The following ZNF517 variants were observed in gnomAD, a reference collection of about 807,000 sequenced individuals.
The protein encoded by ZNF517 is zinc finger protein 517.
In ZNF517, 12 loss-of-function variants were observed where a neutral mutation model predicts 12.1. That is an observed-to-expected ratio of 0.99 (90% CI 0.63 to 1.61). The LOEUF is 1.61. ZNF517 is among the 40% of genes most tolerant of loss of function. The pLI is 0.00. For missense variants in ZNF517, 781 were observed against 693.2 expected (o/e 1.13, Z -1.42); for synonymous variants, 388 against 310.2 (o/e 1.25, Z -2.63).
intron 2 of ZNF517, 96 bp from the exon 3 acceptor site, chr8:144,803,545 A>G: frequency 1.3e-6 from 2 of 1,526,610 alleles, no homozygotes; most frequent in South Asian, 2.5e-5. Context: ...GTGGGCAGCA[A>G]GGAGAGAGGC....
intron 4 of ZNF517, among the ~76,000 whole-genome samples, chr8:144,805,725 T>C (rs1210405992): frequency 3.3e-4 from 47 of 140,920 alleles, no homozygotes; most frequent in Middle Eastern, 9.3e-3. Flanking sequence ...ACGCCATTCT[T>C]CTGCCTCAGC....
In ZNF517 at chr8:144,808,472, C is replaced by T. The variant is rs780825066; in HGVS notation, c.*77C>T. The T allele has an allele frequency of 1.4e-6, 2 of 1,404,300 alleles. No homozygotes were observed. The highest frequency in any genetic ancestry group is 1.5e-5 in the African/African-American group (1 of 66,854). The allele number at this position is 1,404,300 out of a possible 1,614,324, so 87.0% of individuals were successfully genotyped here. On this transcript the variant is annotated 3_prime_UTR_variant, in exon 5 of 5. Transcript: ENST00000359971. ...GGGGCCCTAGCGCAGAAATTCAGAA[C>T]CCCCTGTCCTGAAGGTGAAGCAAAG... is the stretch of plus-strand genomic sequence containing the variant.
At position 144,801,150 on chromosome 8, in the gene ZNF517, A is replaced by C. The variant is rs565257304; in HGVS notation, c.-45-1720A>C. ...GGCCTCTAAACACATGCTTTTTGTT[A>C]ACTGATGCCTAAAGGGAAACATCTC... On this transcript the variant is annotated intron_variant, in intron 1 of 4. Transcript: ENST00000359971. 1.4e-4 allele frequency among the ~76,000 whole-genome samples: 22 copies of C among 152,218 alleles called. 1 individual carries two copies. In the East Asian group the frequency reaches 3.9e-3, roughly 27 times the overall value.
At position 144,807,447 on chromosome 8, in the gene ZNF517, C is replaced by T; in HGVS notation, c.531C>T (p.Arg177=). ...LGRPVGSSAP[R]YRCVCGKAFR... ...GGCCTGTGGGGAGCTCAGCCCCCCG[C>T]TACAGGTGCGTGTGCGGCAAGGCGT... is the stretch of plus-strand genomic sequence containing the variant. The change falls in exon 5 of 5, where the codon CGC becomes CGT. Residue 177 remains arginine (R), a synonymous_variant. Coordinates refer to ENST00000359971, the MANE Select transcript of ZNF517 (RefSeq NM_213605.3). The T allele has an allele frequency of 6.3e-7, 1 of 1,575,340 alleles. No homozygotes were observed. The highest frequency in any genetic ancestry group is 8.6e-7 in the Non-Finnish European group (1 of 1,161,132).
intron 1 of ZNF517, chr8:144,800,659 G>A (rs1337829305): frequency 2.8e-5 from 28 of 985,276 alleles, no homozygotes; most frequent in Non-Finnish European, 3.1e-5. Flanking sequence ...GCTGGGTGGG[G>A]GTGGTGTGGC....
Position 144,808,637 on chromosome 8 carries a change from T to G in ZNF517, c.*242T>G. The G allele has an allele frequency of 6.8e-6, 3 of 439,394 alleles. No homozygotes were observed. The highest frequency in any genetic ancestry group is 1.1e-5 in the Non-Finnish European group (3 of 265,226). 27.2% of individuals were successfully genotyped at this position (439,394 alleles called of 1,614,324 possible). ...ACCATTTCCTGGGGCCTTCCGGAAA[T>G]GTCCAGGAGCGGGCAGAAGGGAGAG... On this transcript the variant is annotated 3_prime_UTR_variant, in exon 5 of 5. Transcript: ENST00000359971.
intron 4 of ZNF517, 23 bp downstream of exon 4, chr8:144,804,261 G>A (rs1419222447): frequency 6.3e-7 from 1 of 1,588,606 alleles, no homozygotes; most frequent in Admixed American, 1.7e-5. Context: ...CACCCACAGG[G>A]CGTGTCCTGT....
Position 144,807,634 on chromosome 8 carries a change from A to G in ZNF517, c.718A>G (p.Lys240Glu), listed in dbSNP as rs564123602. The change falls in exon 5 of 5, where the codon AAG (lysine) becomes GAG (glutamate). Residue 240 changes from lysine (K) to glutamate (E), a missense_variant. Lys to Glu is a moderately conservative substitution (Grantham distance 56). Transcript: ENST00000359971. ...EKPFQCGECG[K>E]AFRQSTQLAA... The stretch of plus-strand genomic sequence containing the variant: ...GCCGTTCCAGTGCGGCGAGTGCGGG[A>G]AGGCCTTCCGGCAGAGCACGCAGCT... The G allele has an allele frequency of 6.2e-7, 1 of 1,610,196 alleles. No individual in the cohort carries two copies. The highest frequency in any genetic ancestry group is 1.1e-5 in the South Asian group (1 of 90,838).
chr8:144,802,775 C>A, intron 1 of ZNF517, 95 bp from the exon 2 acceptor site: 1 of 1,548,550 alleles, frequency 6.5e-7, no homozygotes, highest in Non-Finnish European at 8.7e-7. Context: ...GCACTTTACC[C>A]TCTCCTGCTC....
Position 144,810,077 on chromosome 8 carries a change from A to G in ZNF517, c.*1682A>G. The stretch of plus-strand genomic sequence containing the variant: ...CAAACAAATAAAAATCCCCTCTCCT[A>G]AACTCCATTATTGGTTTTGTCTCTC... On this transcript the variant is annotated 3_prime_UTR_variant, in exon 5 of 5. Coordinates refer to ENST00000359971, the MANE Select transcript of ZNF517 (RefSeq NM_213605.3). 1 of 556,630 alleles carries G rather than the reference A, an allele frequency of 1.8e-6. No homozygotes were observed. The highest frequency in any genetic ancestry group is 3.3e-6 in the Non-Finnish European group (1 of 301,084). The allele number at this position is 556,630 out of a possible 1,614,324, so 34.5% of individuals were successfully genotyped here.
At chr8:144,812,148 G>C (rs1342344220), downstream of ZNF517, among the ~76,000 whole-genome samples, 12 of 131,670 alleles carry the variant, frequency 9.1e-5, no homozygotes, top group Admixed American at 8.8e-4. Context: ...GCTGAGACAG[G>C]GTGGGAGAGA....
downstream of ZNF517, among the ~76,000 whole-genome samples, chr8:144,812,089 C>G (rs1827574197): frequency 7.6e-6 from 1 of 131,430 alleles, no homozygotes; most frequent in African/African-American, 3.1e-5. Context: ...GTGGGAGAGA[C>G]ACCGACAGTA....
chr8:144,802,412 A>G (rs1292919017), intron 1 of ZNF517, among the ~76,000 whole-genome samples: 1 of 152,200 alleles, frequency 6.6e-6, no homozygotes, highest in East Asian at 1.9e-4. Context: ...CTAACCAGTC[A>G]CGCTTTGTTC....
chr8:144,804,808 G>C lies in ZNF517; in HGVS notation c.274+570G>C, dbSNP rs554589248. Among the ~76,000 whole-genome samples the C allele has an allele frequency of 2.0e-5, 3 of 152,336 alleles. No individual in the cohort carries two copies. In the East Asian group the frequency reaches 5.8e-4, roughly 29 times the overall value. ...TTCCCTGTTTGACAGCCGAGGCGGA[G>C]AGAGAGACAGGACAGCTTACGCCAT... On this transcript the variant is annotated intron_variant, in intron 4 of 4. Coordinates refer to ENST00000359971, the MANE Select transcript of ZNF517 (RefSeq NM_213605.3).
At chr8:144,806,373 G>T (rs1827225312) in intron 4 of ZNF517, among the ~76,000 whole-genome samples, 1 of 152,214 alleles carries the variant, frequency 6.6e-6, no homozygotes, top group South Asian at 2.1e-4. Context: ...TTCCCTGCCA[G>T]ACCTTGGGCC....
intron 4 of ZNF517, among the ~76,000 whole-genome samples, chr8:144,805,842 G>A (rs1005151028): frequency 6.7e-6 from 1 of 150,164 alleles, no homozygotes; most frequent in South Asian, 2.1e-4. Flanking sequence ...GGATGGTCTC[G>A]ATCTCCTGAC....
At position 144,807,282 on chromosome 8, in the gene ZNF517, C is replaced by T. The variant is rs3735792; in HGVS notation, c.366C>T (p.Leu122=). ...AGLPGTVWGC[L]PWGHPVGGHP... ...TGCCGGGCACCGTGTGGGGGTGCCT[C>T]CCCTGGGGGCACCCTGTGGGGGGGC... Residue 122 remains leucine, a synonymous_variant, in exon 5 of 5, where the codon CTC becomes CTT. Coordinates refer to ENST00000359971, the MANE Select transcript of ZNF517 (RefSeq NM_213605.3). The T allele has an allele frequency of 1.9e-5, 29 of 1,556,130 alleles. No individual in the cohort carries two copies. In the East Asian group the frequency reaches 6.3e-4, roughly 34 times the overall value.
At position 144,807,627 on chromosome 8, in the gene ZNF517, G is replaced by A; in HGVS notation, c.711G>A (p.Glu237=). The A allele has an allele frequency of 6.2e-7, 1 of 1,610,160 alleles. No homozygotes were observed. The highest frequency in any genetic ancestry group is 1.1e-5 in the South Asian group (1 of 90,794). ...HTEEKPFQCG[E]CGKAFRQSTQ... is the part of the protein sequence containing the mutation. ...AGGAGAAGCCGTTCCAGTGCGGCGA[G>A]TGCGGGAAGGCCTTCCGGCAGAGCA... The change falls in exon 5 of 5, where the codon GAG becomes GAA. Residue 237 remains glutamate, a synonymous_variant. Coordinates refer to ENST00000359971, the MANE Select transcript of ZNF517 (RefSeq NM_213605.3).
intron 1 of ZNF517, 50 bp from the exon 2 acceptor site, chr8:144,802,820 G>C (rs1159315953): frequency 3.1e-6 from 5 of 1,604,938 alleles, no homozygotes; most frequent in Non-Finnish European, 4.3e-6. Flanking sequence ...TGGGGGGCTG[G>C]AGGGCCTTAG....
Sources: allele counts gnomAD v4.1 joint callset (sites outside exome capture counted in the v4.1 genomes callset), GRCh38; gene constraint gnomAD v4.1.1; transcripts MANE v1.5; gene names NCBI Gene and HGNC (gene_info 2026-07-23, HGNC 2026-07-21).